TBL1X: variants seen among roughly 807,000 people sequenced by gnomAD.
TBL1X encodes the protein transducin beta like 1 X-linked.
A neutral mutation model predicts 50.7 loss-of-function variants in TBL1X; 10 were observed. The ratio of observed to expected loss-of-function variants is 0.20; its 90% CI spans 0.12 to 0.33. The LOEUF (loss-of-function observed/expected upper bound fraction) is 0.33, where lower values mean the gene tolerates loss of function less well. Among genes scored for constraint, TBL1X ranks in the 10% least tolerant of loss-of-function variants. TBL1X has a pLI of 1.00. For missense variants in TBL1X, 340 were observed against 504.4 expected (o/e 0.67, Z 3.12); for synonymous variants, 190 against 214.7 (o/e 0.88, Z 1.01).
At chrX:9,627,997 C>T (rs1353700545) in intron 2 of TBL1X, among the ~76,000 whole-genome samples, 2 of 112,345 alleles carry the variant, frequency 1.8e-5, no homozygotes, top group East Asian at 5.6e-4. Context: ...ACCAGCCTTG[C>T]TGTTCAAGAA....
rs751325331 is a variant in TBL1X at position 9,628,533 on chromosome X, CT to C, written c.-130-11731del. ...ATATTGAAGACTCAGAAGAGTTGGA[CT>C]TTTTTTTTCTTTTTCTTTTCTTTTT... On this transcript the variant is annotated intron_variant, in intron 2 of 17. Transcript: ENST00000645353. Among the ~76,000 whole-genome samples the C allele has an allele frequency of 2.2e-4, 22 of 100,647 alleles. No homozygotes were observed. The East Asian group carries it at 6.3e-3, about 29-fold the overall frequency. 87.4% of individuals were successfully genotyped at this position (100,647 alleles called of 115,157 possible). A position where few individuals can be genotyped will look rare whatever the true frequency, so the allele number is the denominator to read the frequency against.
At chrX:9,498,375 G>A (rs148270443) in intron 1 of TBL1X, among the ~76,000 whole-genome samples, 1,641 of 112,363 alleles carry the variant, frequency 0.015, 29 homozygotes, top group African/African-American at 0.051. Flanking sequence ...CTGGAAAGAG[G>A]GTTTTTAGGC....
intron 2 of TBL1X, among the ~76,000 whole-genome samples, chrX:9,546,616 G>A (rs1434705783): frequency 2.7e-5 from 3 of 111,299 alleles, no homozygotes; most frequent in Non-Finnish European, 3.8e-5. Flanking sequence ...CAGCAGAATT[G>A]AGTTGGGACA....
At chrX:9,665,557 T>C (rs2082926283) in intron 5 of TBL1X, among the ~76,000 whole-genome samples, 1 of 70,180 alleles carries the variant, frequency 1.4e-5, no homozygotes, top group Non-Finnish European at 2.6e-5. Flanking sequence ...TTGGTGCTTT[T>C]TCGCTTCTTG....
At chrX:9,542,760 A>G (rs915752150) in intron 2 of TBL1X, among the ~76,000 whole-genome samples, 1 of 111,966 alleles carries the variant, frequency 8.9e-6, no homozygotes, top group African/African-American at 3.3e-5. Context: ...ACCAGACTGT[A>G]TTCTCCACGA....
intron 5 of TBL1X, among the ~76,000 whole-genome samples, chrX:9,672,801 G>A (rs1261201079): frequency 8.9e-6 from 1 of 112,498 alleles, no homozygotes; most frequent in African/African-American, 3.2e-5. Flanking sequence ...ACCACAGTCT[G>A]TCCACTTCAA....
Position 9,688,068 on chromosome X carries a change from G to A in TBL1X, c.409G>A (p.Ala137Thr), listed in dbSNP as rs1350823859. ...RPIESLSLID[A>T]VMPDVVQTRQ... is the part of the protein sequence containing the mutation. ...CATAGAGTCCCTGTCACTGATAGAC[G>A]CCGTGATGCCCGACGTGGTGCAGAC... Residue 137 changes from alanine to threonine, a missense_variant, in exon 7 of 18, where the codon GCC becomes ACC. By Grantham distance (58) the Ala-to-Thr change is moderately conservative. Transcript: ENST00000645353. The A allele has an allele frequency of 1.1e-5, 13 of 1,211,193 alleles. No homozygotes were observed. Among genetic ancestry groups the A allele is most frequent in the East Asian group, 3.0e-5 (1 of 33,804 alleles).
chrX:9,689,103 TGTGTGCGCACGCACGCACACCTGTGCATG>T (rs1348987223), intron 7 of TBL1X, among the ~76,000 whole-genome samples: 2 of 113,651 alleles, frequency 1.8e-5, no homozygotes, highest in Non-Finnish European at 3.7e-5. Context: ...TGTGTGCGTG[TGTGTGCGCACGCACGCACACCTGTGCATG>T]GTGTAGTGTA....
At chrX:9,512,820 A>G (rs1022761008) in intron 2 of TBL1X, among the ~76,000 whole-genome samples, 4 of 111,755 alleles carry the variant, frequency 3.6e-5, no homozygotes, top group Admixed American at 9.5e-5. Context: ...TTTGAAACAC[A>G]GACACCTAGT....
intron 12 of TBL1X, among the ~76,000 whole-genome samples, chrX:9,698,613 C>T (rs760453003): frequency 8.9e-6 from 1 of 111,741 alleles, no homozygotes; most frequent in East Asian, 2.8e-4. Context: ...GTGCCTAGTA[C>T]AAGCCAAAAC....
intron 2 of TBL1X, among the ~76,000 whole-genome samples, chrX:9,585,340 T>TCCCCCCCCCCC (rs397840236): frequency 6.9e-5 from 4 of 58,131 alleles, no homozygotes; most frequent in Admixed American, 2.1e-4. Context: ...CCCCCTCCCC[T>TCCCCCCCCCCC]CCCCCCCCCG....
At chrX:9,571,129 C>T (rs969557529) in intron 2 of TBL1X, among the ~76,000 whole-genome samples, 1 of 111,553 alleles carries the variant, frequency 9.0e-6, no homozygotes, top group African/African-American at 3.3e-5. Flanking sequence ...GCTGGAAGTC[C>T]AAGATCAAGG....
chrX:9,630,163 C>G (rs2082713693), intron 2 of TBL1X, among the ~76,000 whole-genome samples: 1 of 112,076 alleles, frequency 8.9e-6, no homozygotes, highest in South Asian at 3.7e-4. Context: ...CAGTCTCCTT[C>G]TAACAGACCG....
At chrX:9,465,988 C>T (rs2081770919) in intron 1 of TBL1X, among the ~76,000 whole-genome samples, 1 of 112,986 alleles carries the variant, frequency 8.9e-6, no homozygotes, top group Non-Finnish European at 1.9e-5. Flanking sequence ...GGCGAGGTGG[C>T]GCGGGCCCCG....
chrX:9,659,390 C>T (rs1040318513), intron 5 of TBL1X, among the ~76,000 whole-genome samples: 3 of 110,293 alleles, frequency 2.7e-5, no homozygotes, highest in African/African-American at 9.8e-5. Flanking sequence ...ACGTCTTTCA[C>T]TCAACCTTAT....
At chrX:9,532,907 G>C (rs2082169597) in intron 2 of TBL1X, among the ~76,000 whole-genome samples, 1 of 111,375 alleles carries the variant, frequency 9.0e-6, no homozygotes, top group African/African-American at 3.3e-5. Flanking sequence ...TGGGAGTAGG[G>C]ATGTAATATG....
At chrX:9,600,475 G>GCGGGGGGGGA (rs1555899124) in intron 2 of TBL1X, among the ~76,000 whole-genome samples, 1 of 73,674 alleles carries the variant, frequency 1.4e-5, no homozygotes, top group African/African-American at 5.7e-5. Flanking sequence ...TGGGCGGGGG[G>GCGGGGGGGGA]GGGGGTACAC....
In TBL1X at chrX:9,685,717, C is replaced by CTTTTTT. The variant is rs752837096; in HGVS notation, c.357+1547_357+1552dup. On this transcript the variant is annotated intron_variant, in intron 6 of 17. Transcript: ENST00000645353. ...TCCTGTTCTCTTTTTCTTTTCTTTT[C>CTTTTTT]TTTTTTTTTTTTTTTTTTTTTTTAA... 4.8e-3 allele frequency among the ~76,000 whole-genome samples: 286 copies of CTTTTTT among 59,340 alleles called. 2 individuals carry two copies. The highest frequency in any genetic ancestry group is 9.6e-3 in the East Asian group (15 of 1,565). The allele number at this position is 59,340 out of a possible 115,157, so 51.5% of individuals were successfully genotyped here. A position where few individuals can be genotyped will look rare whatever the true frequency, so the allele number is the denominator to read the frequency against.
intron 5 of TBL1X, among the ~76,000 whole-genome samples, chrX:9,662,289 C>T (rs745541839): frequency 9.0e-6 from 1 of 111,593 alleles, no homozygotes; most frequent in African/African-American, 3.3e-5. Flanking sequence ...TCCTTTAGAA[C>T]ACCTCAGCGG....
Sources: gnomAD v4.1 joint callset for allele counts (sites outside exome capture counted in the v4.1 genomes callset) on GRCh38, gnomAD v4.1.1 for gene constraint, MANE v1.5 for transcripts, NCBI Gene and HGNC (gene_info 2026-07-23, HGNC 2026-07-21) for gene names.